SYNPO2L: variants seen among roughly 807,000 people sequenced by gnomAD.
SYNPO2L encodes synaptopodin 2-like protein.
Under a neutral mutation model 47.5 loss-of-function variants are expected in SYNPO2L, and 34 were observed. The observed-to-expected ratio is 0.72, with a 90% CI of 0.54 to 0.95. The LOEUF (loss-of-function observed/expected upper bound fraction) is 0.95, where lower values mean the gene tolerates loss of function less well. Among genes scored for constraint, SYNPO2L ranks in the 40% least tolerant of loss-of-function variants. SYNPO2L has a pLI of 0.00. For missense variants in SYNPO2L, 1,246 were observed against 1,282.0 expected, an observed-to-expected ratio of 0.97 and a Z score of 0.43; for synonymous variants, 536 against 524.9, an observed-to-expected ratio of 1.02 and a Z score of -0.29.
rs1485019964 is a variant in SYNPO2L, at chr10:73,645,741, G to C, written c.*977C>G. The C allele has an allele frequency of 1.0e-6, 1 of 985,742 alleles. No homozygotes were observed. Among genetic ancestry groups the C allele is most frequent in the Non-Finnish European group, 1.2e-6 (1 of 829,982 alleles). The allele number at this position is 985,742 out of a possible 1,614,324, so 61.1% of individuals were successfully genotyped here. On this transcript the variant is annotated 3_prime_UTR_variant, in exon 4 of 4. Transcript: ENST00000394810. The stretch of plus-strand genomic sequence containing the variant: ...TTGGTCTCTAAGGAGTTATTCTCTA[G>C]TGAATCTCTTTCTCCCACTCAACTC...
chr10:73,646,574 G>T lies in SYNPO2L; in HGVS notation c.*144C>A. The T allele has an allele frequency of 7.6e-7, 1 of 1,310,582 alleles. No individual in the cohort carries two copies. The highest frequency in any genetic ancestry group is 2.8e-5 in the East Asian group (1 of 36,072). The allele number at this position is 1,310,582 out of a possible 1,614,324, so 81.2% of individuals were successfully genotyped here. On this transcript the variant is annotated 3_prime_UTR_variant, in exon 4 of 4. Transcript: ENST00000394810. ...AGGTAGAGAGTGAGGAGGAAGGTGG[G>T]GGAAGGGGACATCAACTTGGAAACC...
intron 3 of SYNPO2L, chr10:73,650,174 ATT>A: frequency 1.0e-6 from 1 of 985,442 alleles, no homozygotes; most frequent in Non-Finnish European, 1.2e-6. Context: ...CTGAAAAATT[ATT>A]GAGATTCCAT....
chr10:73,653,261 G>A lies in SYNPO2L; in HGVS notation c.650C>T (p.Ala217Val). ...GAALQPPPAE[A>V]LLLPHGPLRP... ...GAGGGGGCCATGGGGTAACAGCAGA[G>A]CCTCAGCTGGGGGTGGCTGAAGGGC... Residue 217 changes from alanine (A) to valine (V), a missense_variant, in exon 3 of 4, where the codon GCT becomes GTT. By Grantham distance (64) the Ala-to-Val change is moderately conservative. Around this residue, in one of 3 missense-constraint regions of SYNPO2L, gnomAD observed 1,037 missense variants for 1,021.5 expected, o/e 1.02. Coordinates refer to ENST00000394810, the MANE Select transcript of SYNPO2L (RefSeq NM_001114133.3). 1 of 1,547,790 alleles carries A rather than the reference G, an allele frequency of 6.5e-7. No homozygotes were observed. Among genetic ancestry groups the A allele is most frequent in the Non-Finnish European group, 8.7e-7 (1 of 1,144,852 alleles).
rs1430520263 is a variant in SYNPO2L, at chr10:73,653,383, G to T, written c.528C>A (p.Tyr176Ter). ...CTGGCTCTGCAGGGCTGTCAGACAGGTAGACCTCATCAGGTGGGGCACCCG... is the reference window on the plus strand; with the variant it reads ...CTGGCTCTGCAGGGCTGTCAGACAGTTAGACCTCATCAGGTGGGGCACCCG... ...TPPGAPPDEV[Y>*]LSDSPAEPAP... The change falls in exon 3 of 4, where the codon TAC becomes TAA. Residue 176 changes from tyrosine to a stop codon, truncating the protein, a stop_gained. Coordinates refer to ENST00000394810, the MANE Select transcript of SYNPO2L (RefSeq NM_001114133.3). LOFTEE classifies it high-confidence loss of function. The T allele has an allele frequency of 6.4e-7, 1 of 1,551,470 alleles. No homozygotes were observed. The highest frequency in any genetic ancestry group is 8.7e-7 in the Non-Finnish European group (1 of 1,146,982).
Position 73,645,362 on chromosome 10 carries a change from C to T in SYNPO2L, c.*1356G>A, listed in dbSNP as rs992710111. 1.0e-4 allele frequency: 108 copies of T among 1,037,020 alleles called. No homozygotes were observed. Among genetic ancestry groups the T allele is most frequent in the East Asian group, 1.1e-4 (1 of 9,000 alleles). The allele number at this position is 1,037,020 out of a possible 1,614,324, so 64.2% of individuals were successfully genotyped here. A position where few individuals can be genotyped will look rare whatever the true frequency, so the allele number is the denominator to read the frequency against. On this transcript the variant is annotated 3_prime_UTR_variant, in exon 4 of 4. Transcript: ENST00000394810. ...CTTCTCCCAATATGGCATTGTCCCT[C>T]GCCACACTTCTGTCTGTGGCTCAAT...
Position 73,645,865 on chromosome 10 carries a change from C to G in SYNPO2L, c.*853G>C, listed in dbSNP as rs1293515595. The G allele has an allele frequency of 1.0e-6, 1 of 985,116 alleles. No homozygotes were observed. Among genetic ancestry groups the G allele is most frequent in the African/African-American group, 1.7e-5 (1 of 57,208 alleles). The allele number at this position is 985,116 out of a possible 1,614,324, so 61.0% of individuals were successfully genotyped here. A position where few individuals can be genotyped will look rare whatever the true frequency, so the allele number is the denominator to read the frequency against. ...TTTGAGACAGAGTCTCGCTCCGTCG[C>G]CCAGGCTGGAGTGCAGTGGCGCAAT... On this transcript the variant is annotated 3_prime_UTR_variant, in exon 4 of 4. Transcript: ENST00000394810.
chr10:73,648,151 C>T lies in SYNPO2L; in HGVS notation c.1501G>A (p.Gly501Ser). 1 of 1,547,700 alleles carries T rather than the reference C, an allele frequency of 6.5e-7. No homozygotes were observed. The highest frequency in any genetic ancestry group is 8.7e-7 in the Non-Finnish European group (1 of 1,148,338). Residue 501 changes from glycine to serine, a missense_variant, in exon 4 of 4, where the codon GGC becomes AGC. Physicochemically the swap from Gly to Ser is moderately conservative, Grantham distance 56. Coordinates refer to ENST00000394810, the MANE Select transcript of SYNPO2L (RefSeq NM_001114133.3). Reference sequence around the variant, plus strand: ...AAGGGGGGTGGGGCGGGGCTGAGGCCCCCCAGGCTGTCGTTCGCCCTTTTG... The same window carrying T: ...AAGGGGGGTGGGGCGGGGCTGAGGCTCCCCAGGCTGTCGTTCGCCCTTTTG... ...APKRANDSLG[G>S]LSPAPPPFLS... is the part of the protein sequence containing the mutation.
In SYNPO2L at chr10:73,648,032, G is replaced by A; in HGVS notation, c.1620C>T (p.Ser540=). The part of the protein sequence containing the change: ...PVSGSPSTPR[S]SGPVTATSSL... The stretch of plus-strand genomic sequence containing the variant: ...AGCTGGTGGCTGTCACAGGGCCCGA[G>A]GAGCGTGGGGTGCTGGGGGAACCAG... Residue 540 remains serine (S), a synonymous_variant, in exon 4 of 4, where the codon TCC becomes TCT. Coordinates refer to ENST00000394810, the MANE Select transcript of SYNPO2L (RefSeq NM_001114133.3). 3 of 1,591,774 alleles carry A rather than the reference G, an allele frequency of 1.9e-6. No homozygotes were observed. Among genetic ancestry groups the A allele is most frequent in the Non-Finnish European group, 1.7e-6 (2 of 1,169,518 alleles).
Position 73,654,288 on chromosome 10 carries a change from G to C in SYNPO2L, c.106-8C>G. On this transcript the variant is annotated splice_region_variant and splice_polypyrimidine_tract_variant and intron_variant, in intron 1 of 3. Coordinates refer to ENST00000394810, the MANE Select transcript of SYNPO2L (RefSeq NM_001114133.3). ...CTGGCTCCGTCTTCGAATCTGAGAT[G>C]TTGAAGGAGACACTGTAGGTAAGAG... 6.4e-7 allele frequency: 1 copy of C among 1,551,462 alleles called. No homozygotes were observed. The highest frequency in any genetic ancestry group is 1.7e-4 in the Middle Eastern group (1 of 5,870).
chr10:73,647,656 C>T lies in SYNPO2L; in HGVS notation c.1996G>A (p.Gly666Arg). The change falls in exon 4 of 4, where the codon GGG becomes AGG. Residue 666 changes from glycine (G) to arginine (R), a missense_variant. Gly to Arg is a moderately radical substitution (Grantham distance 125). This residue lies in a region of SYNPO2L where 1,037 missense variants were observed against 1,021.5 expected (regional missense o/e 1.02). Transcript: ENST00000394810. ...TCTTCAGGACCAGATTCTGCACCCC[C>T]GGCCCGAGGCTTTTCATCCAGGTTC... ...VQNLDEKPRA[G>R]GAESGPEEDA... 3.1e-6 allele frequency: 5 copies of T among 1,614,148 alleles called. No individual in the cohort carries two copies. The highest frequency in any genetic ancestry group is 4.2e-6 in the Non-Finnish European group (5 of 1,179,998).
chr10:73,650,826 C>T, intron 3 of SYNPO2L: 6 of 1,432,916 alleles, frequency 4.2e-6, no homozygotes, highest in Non-Finnish European at 5.5e-6. Context: ...AAGACCTTTC[C>T]CAAAGACTAC....
chr10:73,654,216 T>C lies in SYNPO2L; in HGVS notation c.170A>G (p.Asn57Ser), dbSNP rs753946737. The C allele has an allele frequency of 4.5e-6, 7 of 1,551,438 alleles. No individual in the cohort carries two copies. Among genetic ancestry groups the C allele is most frequent in the Middle Eastern group, 3.3e-4 (2 of 5,990 alleles). Residue 57 changes from asparagine (N) to serine (S), a missense_variant, in exon 2 of 4, where the codon AAT (asparagine) becomes AGT (serine). Physicochemically the swap from Asn to Ser is conservative, Grantham distance 46. Transcript: ENST00000394810. ...LRERDQLLAI[N>S]GVSCTNLSHA... ...GGAGAGGTTGGTGCAAGAGACCCCA[T>C]TGATTGCCAAGAGCTGGTCCCTCTC...
In SYNPO2L at chr10:73,648,630, GAGA is replaced by G. The variant is rs1222854746; in HGVS notation, c.1019_1021del (p.Phe340del). ...TTGATTGGTGAGGCTGCGGGCGTCA[GAGA>G]AGGCTTCTTCGTCCAGCTCGGACTC... is the stretch of plus-strand genomic sequence containing the variant. On this transcript the variant is annotated inframe_deletion, in exon 4 of 4. Coordinates refer to ENST00000394810, the MANE Select transcript of SYNPO2L (RefSeq NM_001114133.3). 5.6e-6 allele frequency: 9 copies of G among 1,613,798 alleles called. No individual in the cohort carries two copies. The highest frequency in any genetic ancestry group is 7.6e-6 in the Non-Finnish European group (9 of 1,179,806).
rs748622782 is a variant in SYNPO2L at position 73,647,744 on chromosome 10, C to T, written c.1908G>A (p.Met636Ile). 11 of 1,613,980 alleles carry T rather than the reference C, an allele frequency of 6.8e-6. No homozygotes were observed. The highest frequency in any genetic ancestry group is 9.3e-6 in the Non-Finnish European group (11 of 1,179,958). Residue 636 changes from methionine to isoleucine, a missense_variant, in exon 4 of 4, where the codon ATG (methionine) becomes ATA (isoleucine). This residue lies in a region of SYNPO2L where 1,037 missense variants were observed against 1,021.5 expected (regional missense o/e 1.02). Coordinates refer to ENST00000394810, the MANE Select transcript of SYNPO2L (RefSeq NM_001114133.3). The stretch of plus-strand genomic sequence containing the variant: ...TCGTCTCCTCCTTTCCCGGCCGGAA[C>T]ATCTGCTTCCGGGTCCCCCGGCGCC... Reference protein sequence around the residue: ...EARRRGTRKQMFRPGKEETKN... With the variant: ...EARRRGTRKQIFRPGKEETKN...
In SYNPO2L at chr10:73,655,849, G is replaced by C; in HGVS notation, c.74C>G (p.Ala25Gly). The C allele has an allele frequency of 1.3e-6, 2 of 1,550,592 alleles. No homozygotes were observed. The highest frequency in any genetic ancestry group is 1.7e-6 in the Non-Finnish European group (2 of 1,146,724). ...CACCTGTAACGGTTTCCTCTGCTCG[G>C]CCCCCCCATGAAGTCGGAAGCCCCA... is the stretch of plus-strand genomic sequence containing the variant. ...APWGFRLHGG[A>G]EQRKPLQVSK... The change falls in exon 1 of 4, where the codon GCC (alanine) becomes GGC (glycine). Residue 25 changes from alanine (A) to glycine (G), a missense_variant. By Grantham distance (60) the Ala-to-Gly change is moderately conservative (BLOSUM62 0). This residue lies in a region of SYNPO2L where 61 missense variants were observed against 55.6 expected (regional missense o/e 1.10). Coordinates refer to ENST00000394810, the MANE Select transcript of SYNPO2L (RefSeq NM_001114133.3).
chr10:73,649,935 A>T, intron 3 of SYNPO2L: 1 of 985,294 alleles, frequency 1.0e-6, no homozygotes, highest in Non-Finnish European at 1.2e-6. Context: ...CAAGCTGGGG[A>T]TGGTAGTGGG....
chr10:73,654,215 A>G lies in SYNPO2L; in HGVS notation c.171T>C (p.Asn57=). The G allele has an allele frequency of 6.4e-7, 1 of 1,551,556 alleles. No individual in the cohort carries two copies. The part of the protein sequence containing the change: ...LRERDQLLAI[N]GVSCTNLSHA... ...GGGAGAGGTTGGTGCAAGAGACCCC[A>G]TTGATTGCCAAGAGCTGGTCCCTCT... is the stretch of plus-strand genomic sequence containing the variant. Residue 57 remains asparagine (N), a synonymous_variant, in exon 2 of 4, where the codon AAT becomes AAC. Coordinates refer to ENST00000394810, the MANE Select transcript of SYNPO2L (RefSeq NM_001114133.3).
chr10:73,649,007 T>C, intron 3 of SYNPO2L, 128 bp from the exon 4 acceptor site: 5 of 1,332,604 alleles, frequency 3.8e-6, no homozygotes, highest in Non-Finnish European at 4.8e-6. Flanking sequence ...ATGTCCCCTG[T>C]GACAAAGTCC....
At position 73,645,689 on chromosome 10, in the gene SYNPO2L, C is replaced by T. The variant is rs1589449372; in HGVS notation, c.*1029G>A. 1 of 986,014 alleles carries T rather than the reference C, an allele frequency of 1.0e-6. No individual in the cohort carries two copies. Among genetic ancestry groups the T allele is most frequent in the Middle Eastern group, 5.2e-4 (1 of 1,914 alleles). 61.1% of individuals were successfully genotyped at this position (986,014 alleles called of 1,614,324 possible). A position where few individuals can be genotyped will look rare whatever the true frequency, so the allele number is the denominator to read the frequency against. Reference sequence around the variant, plus strand: ...GTCTTTTCATGCTCCATAACTTTCACAAGATGCTGTACACCTGCTACAGAC... The same window carrying T: ...GTCTTTTCATGCTCCATAACTTTCATAAGATGCTGTACACCTGCTACAGAC... On this transcript the variant is annotated 3_prime_UTR_variant, in exon 4 of 4. Transcript: ENST00000394810.
Sources: allele counts gnomAD v4.1 joint callset, GRCh38; gene constraint gnomAD v4.1.1; regional missense constraint gnomAD v4.1.1; transcripts MANE v1.5; gene names NCBI Gene and HGNC (gene_info 2026-07-23, HGNC 2026-07-21).